Variants in RAD51B observed in about 807,000 individuals in gnomAD.
RAD51B encodes the protein DNA repair protein RAD51 homolog 2.
RAD51B carries 38 observed loss-of-function variants against 42.2 expected under a neutral mutation model. That is an observed-to-expected ratio of 0.90 (90% confidence interval 0.70 to 1.18). The LOEUF (loss-of-function observed/expected upper bound fraction) is 1.18. Among genes scored for constraint, RAD51B ranks in the 50% most tolerant of loss-of-function variants. The pLI is 0.00. For missense variants in RAD51B, 373 were observed against 400.7 expected (o/e 0.93, Z 0.59); for synonymous variants, 154 against 145.2 (o/e 1.06, Z -0.43).
chr14:67,902,975 G>C lies in RAD51B; in HGVS notation c.756+15771G>C, dbSNP rs952848738. 8.1e-4 allele frequency among the ~76,000 whole-genome samples: 123 copies of C among 152,060 alleles called. 1 individual carries two copies. Among genetic ancestry groups the C allele is most frequent in the African/African-American group, 2.9e-3 (121 of 41,482 alleles). ...GGCAATTCTCTTGCCTAAGCCTCCT[G>C]AGTAGCTGGGATTACAGGCTCCCAC... On this transcript the variant is annotated intron_variant, in intron 7 of 10. Transcript: ENST00000471583.
intron 10 of RAD51B, among the ~76,000 whole-genome samples, chr14:68,590,910 T>A (rs1165219581): frequency 1.3e-5 from 2 of 152,142 alleles, no homozygotes; most frequent in Non-Finnish European, 2.9e-5. Context: ...GAGGGGCCTT[T>A]ATAGATGGCC....
intron 7 of RAD51B, among the ~76,000 whole-genome samples, chr14:68,119,594 T>C (rs1320481201): frequency 1.3e-5 from 2 of 148,388 alleles, no homozygotes; most frequent in Non-Finnish European, 3.0e-5. Flanking sequence ...TTGCGATTGT[T>C]TACTGAGAAT....
chr14:68,151,206 C>G (rs1441198668), intron 7 of RAD51B, among the ~76,000 whole-genome samples: 1 of 151,374 alleles, frequency 6.6e-6, no homozygotes, highest in Non-Finnish European at 1.5e-5. Context: ...AGATTTTTTT[C>G]TTTTAGCTTT....
At chr14:67,897,544 A>C (rs992474198) in intron 7 of RAD51B, among the ~76,000 whole-genome samples, 18 of 152,296 alleles carry the variant, frequency 1.2e-4, no homozygotes, top group Non-Finnish European at 2.2e-4. Context: ...ATGGAAATCA[A>C]AACCACAATA....
intron 7 of RAD51B, among the ~76,000 whole-genome samples, chr14:68,014,422 G>A (rs1332287675): frequency 1.3e-5 from 2 of 151,980 alleles, no homozygotes; most frequent in Non-Finnish European, 2.9e-5. Flanking sequence ...TGGTACATTT[G>A]TGACACAGTT....
At chr14:68,261,183 A>G (rs2080881317) in intron 7 of RAD51B, among the ~76,000 whole-genome samples, 1 of 152,246 alleles carries the variant, frequency 6.6e-6, no homozygotes, top group Non-Finnish European at 1.5e-5. Context: ...CATCTTTCAC[A>G]GCCTAGTGTA....
chr14:68,315,812 G>A (rs1377063475), intron 8 of RAD51B, among the ~76,000 whole-genome samples: 1 of 152,172 alleles, frequency 6.6e-6, no homozygotes, highest in African/African-American at 2.4e-5. Context: ...GTGAACCACT[G>A]CACCCAGCCC....
intron 10 of RAD51B, chr14:68,540,615 C>G: frequency 1.0e-6 from 1 of 985,306 alleles, no homozygotes; most frequent in South Asian, 4.7e-5. Flanking sequence ...TGACACCCCC[C>G]AACCCAAAGA....
chr14:68,404,445 A>T (rs559474220), intron 8 of RAD51B, among the ~76,000 whole-genome samples: 6 of 152,204 alleles, frequency 3.9e-5, no homozygotes, highest in Non-Finnish European at 8.8e-5. Flanking sequence ...AACAGCATTA[A>T]CAATCATTTA....
chr14:68,642,207 A>G (rs1566962329), intron 10 of RAD51B, among the ~76,000 whole-genome samples: 2 of 152,208 alleles, frequency 1.3e-5, no homozygotes, highest in African/African-American at 4.8e-5. Flanking sequence ...TATTTAATAA[A>G]ACTCACCAAT....
intron 9 of RAD51B, 150 bp from the exon 10 acceptor site, chr14:68,468,022 A>T (rs1191050443): frequency 9.1e-6 from 6 of 658,058 alleles, no homozygotes; most frequent in African/African-American, 1.8e-5. Flanking sequence ...TCATTTAAAC[A>T]TTGGGTTATA....
chr14:68,495,602 T>TA (rs1884450331), intron 10 of RAD51B, among the ~76,000 whole-genome samples: 1 of 151,252 alleles, frequency 6.6e-6, no homozygotes, highest in African/African-American at 2.4e-5. Flanking sequence ...GCCAAGCGCG[T>TA]AGAAGTGGTA....
intron 5 of RAD51B, among the ~76,000 whole-genome samples, chr14:67,883,867 G>T (rs2042989364): frequency 6.6e-6 from 1 of 152,034 alleles, no homozygotes; most frequent in Non-Finnish European, 1.5e-5. Flanking sequence ...AATATTTGTT[G>T]AATGAATGGA....
At chr14:68,452,191 G>C (rs556315514) in intron 9 of RAD51B, among the ~76,000 whole-genome samples, 3 of 151,848 alleles carry the variant, frequency 2.0e-5, no homozygotes, top group Non-Finnish European at 2.9e-5. Flanking sequence ...TGTTTTTTTT[G>C]GTTATTTAAA....
At chr14:68,606,493 A>G (rs1487314661) in intron 10 of RAD51B, among the ~76,000 whole-genome samples, 8 of 152,218 alleles carry the variant, frequency 5.3e-5, no homozygotes, top group Non-Finnish European at 2.9e-5. Context: ...CAACCTAAAA[A>G]AAGATTTCAT....
chr14:68,429,223 A>T (rs2084937238), intron 9 of RAD51B, among the ~76,000 whole-genome samples: 1 of 152,124 alleles, frequency 6.6e-6, no homozygotes, highest in African/African-American at 2.4e-5. Context: ...ATACGTGTAC[A>T]TGTGTCTTTA....
intron 7 of RAD51B, among the ~76,000 whole-genome samples, chr14:68,220,867 T>C (rs1269782470): frequency 1.3e-5 from 2 of 152,074 alleles, no homozygotes; most frequent in Admixed American, 6.5e-5. Context: ...GCATGGTGGC[T>C]CACACCTGTA....
intron 10 of RAD51B, among the ~76,000 whole-genome samples, chr14:68,574,395 C>CTTCCTTCA (rs1889867508): frequency 1.3e-5 from 2 of 152,226 alleles, no homozygotes; most frequent in African/African-American, 4.8e-5. Context: ...GCCACAGCTA[C>CTTCCTTCA]TTCCTTCACT....
intron 5 of RAD51B, among the ~76,000 whole-genome samples, chr14:67,867,032 G>A (rs1012328802): frequency 3.3e-5 from 5 of 152,126 alleles, no homozygotes; most frequent in African/African-American, 9.7e-5. Context: ...GTGATCATCT[G>A]GCTCACACAT....
Sources: gnomAD v4.1 joint callset for allele counts (sites outside exome capture counted in the v4.1 genomes callset) on GRCh38, gnomAD v4.1.1 for gene constraint, MANE v1.5 for transcripts, NCBI Gene and HGNC (gene_info 2026-07-23, HGNC 2026-07-21) for gene names.